GRIK3: variants seen among roughly 807,000 people sequenced by gnomAD.
The protein encoded by GRIK3 is glutamate receptor ionotropic, kainate 3.
A neutral mutation model predicts 102.5 loss-of-function variants in GRIK3; 29 were observed. That is an observed-to-expected ratio of 0.28 (90% CI 0.21 to 0.39). The LOEUF (loss-of-function observed/expected upper bound fraction) is 0.39, where lower values mean the gene tolerates loss of function less well. Ranked by LOEUF, GRIK3 falls within the 10% of genes least tolerant of loss-of-function variation. The probability of loss-of-function intolerance (pLI) is 1.00; values close to 1 mark genes in which losing one functional copy is unlikely to be tolerated. For missense variants in GRIK3, 908 were observed against 1,252.4 expected (o/e 0.73, Z 4.15); for synonymous variants, 511 against 504.9 (o/e 1.01, Z -0.16).
intron 1 of GRIK3, among the ~76,000 whole-genome samples, chr1:36,985,991 A>G (rs1200869818): frequency 6.6e-6 from 1 of 151,562 alleles, no homozygotes; most frequent in African/African-American, 2.4e-5. Flanking sequence ...GTGGAGAGAC[A>G]TGCCCGCTCC....
At chr1:36,952,928 C>T (rs1044833787) in intron 1 of GRIK3, among the ~76,000 whole-genome samples, 5 of 152,264 alleles carry the variant, frequency 3.3e-5, no homozygotes, top group East Asian at 1.9e-4. Flanking sequence ...GGGAACAGCA[C>T]GTGCAACACT....
At chr1:36,896,210 C>T (rs1015282598) in intron 1 of GRIK3, among the ~76,000 whole-genome samples, 1 of 151,900 alleles carries the variant, frequency 6.6e-6, no homozygotes, top group Non-Finnish European at 1.5e-5. Flanking sequence ...AAAGAATAAG[C>T]GAAGGTAAAA....
At position 36,880,842 on chromosome 1, in the gene GRIK3, C is replaced by T; in HGVS notation, c.342G>A (p.Gln114=). The T allele has an allele frequency of 6.2e-7, 1 of 1,613,888 alleles. No homozygotes were observed. Among genetic ancestry groups the T allele is most frequent in the Non-Finnish European group, 8.5e-7 (1 of 1,179,874 alleles). ...ACTGGACGGCATTGGTGCAGGAGCCCTGTGATGGGCCGAAGATCGCCACCA... is the reference window on the plus strand; with the variant it reads ...ACTGGACGGCATTGGTGCAGGAGCCTTGTGATGGGCCGAAGATCGCCACCA... The part of the protein sequence containing the change: ...LGVVAIFGPS[Q]GSCTNAVQSI... The change falls in exon 3 of 16, where the codon CAG becomes CAA. Residue 114 remains glutamine, a synonymous_variant. Coordinates refer to ENST00000373091, the MANE Select transcript of GRIK3 (RefSeq NM_000831.4). The surrounding 1 kb of genome is among the most constrained non-coding windows in gnomAD (Gnocchi z 5.4).
At chr1:36,803,058 G>C (rs545640935) in intron 15 of GRIK3, among the ~76,000 whole-genome samples, 1 of 152,280 alleles carries the variant, frequency 6.6e-6, no homozygotes, top group South Asian at 2.1e-4. Flanking sequence ...AGATGGAATA[G>C]ATAATGAACA....
At position 36,917,524 on chromosome 1, in the gene GRIK3, A is replaced by G. The variant is rs1274723146; in HGVS notation, c.116-26428T>C. On this transcript the variant is annotated intron_variant, in intron 1 of 15. Coordinates refer to ENST00000373091, the MANE Select transcript of GRIK3 (RefSeq NM_000831.4). ...TTGTGGGAGGGACCCACTGAGAGGT[A>G]ATTGAATCATGGGGGCAGGTATTTC... 1.3e-5 allele frequency among the ~76,000 whole-genome samples: 2 copies of G among 152,180 alleles called. 1 individual carries two copies. The highest frequency in any genetic ancestry group is 2.9e-5 in the Non-Finnish European group (2 of 68,024).
chr1:36,820,105 C>T (rs1240614063), intron 11 of GRIK3, among the ~76,000 whole-genome samples: 1 of 152,186 alleles, frequency 6.6e-6, no homozygotes, highest in Non-Finnish European at 1.5e-5. Flanking sequence ...AGTTCTGCAA[C>T]TCATTATCCA....
At chr1:36,832,326 G>A (rs1352792651) in intron 10 of GRIK3, among the ~76,000 whole-genome samples, 2 of 152,166 alleles carry the variant, frequency 1.3e-5, no homozygotes, top group Non-Finnish European at 1.5e-5. Context: ...TGGTTTAGAC[G>A]AGGCACCCAG....
Position 36,872,160 on chromosome 1 carries a change from T to C in GRIK3, c.732+28A>G, listed in dbSNP as rs374067912. On this transcript the variant is annotated intron_variant, in intron 4 of 15. Coordinates refer to ENST00000373091, the MANE Select transcript of GRIK3 (RefSeq NM_000831.4). The surrounding 1 kb of genome is among the most constrained non-coding windows in gnomAD (Gnocchi z 5.9). ...AGAAGTGGCCAGCAGACCCCAGTCA[T>C]CTGTCCCGGTGGCCAGCACTCACGC... is the stretch of plus-strand genomic sequence containing the variant. The C allele has an allele frequency of 6.5e-7, 1 of 1,538,306 alleles. No individual in the cohort carries two copies. Among genetic ancestry groups the C allele is most frequent in the Non-Finnish European group, 8.8e-7 (1 of 1,137,120 alleles).
intron 1 of GRIK3, among the ~76,000 whole-genome samples, chr1:36,908,271 A>G (rs2124292168): frequency 1.3e-5 from 2 of 152,302 alleles, no homozygotes; most frequent in East Asian, 3.9e-4. Context: ...GACAGGGGTG[A>G]CATTACTGGG....
rs476227 is a variant in GRIK3, at chr1:36,819,522, C to T, written c.1873+214G>A. Among the ~76,000 whole-genome samples, 2 of 152,042 alleles carry T rather than the reference C, an allele frequency of 1.3e-5. No individual in the cohort carries two copies. Among genetic ancestry groups the T allele is most frequent in the Admixed American group, 1.3e-4 (2 of 15,278 alleles). ...CTGGGTGGTTTTCTTAGCTTTAGACCCTGAGCCAGCTCCAGCCAGAGTGAA... is the reference window on the plus strand; with the variant it reads ...CTGGGTGGTTTTCTTAGCTTTAGACTCTGAGCCAGCTCCAGCCAGAGTGAA... On this transcript the variant is annotated intron_variant, in intron 12 of 15. Transcript: ENST00000373091. The surrounding 1 kb of genome is among the most constrained non-coding windows in gnomAD (Gnocchi z 4.1).
At chr1:37,018,776 A>G (rs1297195088) in intron 1 of GRIK3, among the ~76,000 whole-genome samples, 1 of 152,106 alleles carries the variant, frequency 6.6e-6, no homozygotes, top group Non-Finnish European at 1.5e-5. Context: ...GATCACTCCA[A>G]TGTATTAGGT....
At position 36,880,743 on chromosome 1, in the gene GRIK3, G is replaced by A. The variant is rs373543967; in HGVS notation, c.441C>T (p.Thr147=). 20 of 1,614,066 alleles carry A rather than the reference G, an allele frequency of 1.2e-5. No homozygotes were observed. The African/African-American group carries it at 2.7e-4, about 22-fold the overall frequency. The change falls in exon 3 of 16, where the codon ACC becomes ACT. Residue 147 remains threonine, a synonymous_variant. Transcript: ENST00000373091. This position sits in a 1 kb window ranked among gnomAD's most constrained non-coding sequence, Gnocchi z 5.4. Reference sequence around the variant, plus strand: ...AGTCGGGGTAGAGGTTCACGTAGAAGGTGTCCTTGTTGTCCAGCGGGTGGT... The same window carrying A: ...AGTCGGGGTAGAGGTTCACGTAGAAAGTGTCCTTGTTGTCCAGCGGGTGGT... ...WKHHPLDNKD[T]FYVNLYPDYA...
intron 10 of GRIK3, among the ~76,000 whole-genome samples, chr1:36,832,936 C>T (rs1640327022): frequency 6.6e-6 from 1 of 152,206 alleles, no homozygotes. Flanking sequence ...CCTGGTTACA[C>T]ACTCCCATAG....
intron 1 of GRIK3, among the ~76,000 whole-genome samples, chr1:36,906,344 A>G (rs1228324716): frequency 1.3e-5 from 2 of 152,192 alleles, no homozygotes; most frequent in Non-Finnish European, 2.9e-5. Context: ...TCCGAGACTC[A>G]GTTTCTCCAC....
intron 11 of GRIK3, among the ~76,000 whole-genome samples, chr1:36,824,408 C>A (rs912080612): frequency 1.3e-5 from 2 of 152,162 alleles, no homozygotes; most frequent in African/African-American, 4.8e-5. Flanking sequence ...GCGGCTGCTG[C>A]GCCCACCAGG....
At chr1:37,028,114 C>A (rs145407549) in intron 1 of GRIK3, among the ~76,000 whole-genome samples, 1,782 of 152,152 alleles carry the variant, frequency 0.012, 25 homozygotes, top group African/African-American at 0.039. Context: ...GGAAGGAAAA[C>A]GGGAAGTGAG....
intron 1 of GRIK3, among the ~76,000 whole-genome samples, chr1:37,009,074 GTAATAATAATAATAA>G (rs67140478): frequency 2.0e-5 from 3 of 149,088 alleles, no homozygotes; most frequent in Admixed American, 1.3e-4. Context: ...AAATGGAGAT[GTAATAATAATAATAA>G]TAATAATAAT....
chr1:36,869,763 G>A lies in GRIK3; in HGVS notation c.771C>T (p.Phe257=). The A allele has an allele frequency of 2.5e-6, 4 of 1,611,666 alleles. No individual in the cohort carries two copies. The South Asian group carries it at 3.3e-5, about 13-fold the overall frequency. ...AMGMMTEYYH[F]IFTTLDLYAL... ...GGTACATTACCAGAGTGGTGAAGAT[G>A]AAGTGGTAGTACTCAGTCATCATGC... The change falls in exon 5 of 16, where the codon TTC becomes TTT. Residue 257 remains phenylalanine, a synonymous_variant. Coordinates refer to ENST00000373091, the MANE Select transcript of GRIK3 (RefSeq NM_000831.4).
intron 1 of GRIK3, among the ~76,000 whole-genome samples, chr1:37,025,499 A>G (rs1008165190): frequency 1.3e-5 from 2 of 152,196 alleles, no homozygotes; most frequent in African/African-American, 2.4e-5. Flanking sequence ...TTTTCAGCCT[A>G]GATTATTTGA....
Sources: gnomAD v4.1 joint callset for allele counts (sites outside exome capture counted in the v4.1 genomes callset) on GRCh38, gnomAD v4.1.1 for gene constraint, Gnocchi (gnomAD v3.1) non-coding constraint, MANE v1.5 for transcripts, NCBI Gene and HGNC (gene_info 2026-07-23, HGNC 2026-07-21) for gene names.